NAALADL2: variants seen among roughly 807,000 people sequenced by gnomAD.
NAALADL2 encodes N-acetylated alpha-linked acidic dipeptidase like 2, also known as inactive N-acetylated-alpha-linked acidic dipeptidase-like protein 2.
Under a neutral mutation model 87.2 loss-of-function variants are expected in NAALADL2, and 76 were observed. The observed-to-expected ratio is 0.87, with a 90% CI of 0.72 to 1.05. NAALADL2 has a LOEUF of 1.05. NAALADL2 is among the 50% of genes least tolerant of loss of function. The probability of loss-of-function intolerance (pLI) is 0.00; values close to 1 mark genes in which losing one functional copy is unlikely to be tolerated. For missense variants in NAALADL2, 1,089 were observed against 945.8 expected, an observed-to-expected ratio of 1.15 and a Z score of -1.99; for synonymous variants, 354 against 331.0, an observed-to-expected ratio of 1.07 and a Z score of -0.75.
intron 1 of NAALADL2, among the ~76,000 whole-genome samples, chr3:175,090,221 T>C (rs1036633989): frequency 6.6e-6 from 1 of 152,032 alleles, no homozygotes; most frequent in African/African-American, 2.4e-5. Flanking sequence ...AAGAGTTTTG[T>C]GATATTAGTG....
At chr3:174,604,791 T>C (rs749324543) in intron 2 of NAALADL2, among the ~76,000 whole-genome samples, 33 of 151,350 alleles carry the variant, frequency 2.2e-4, no homozygotes, top group Non-Finnish European at 3.7e-4. Flanking sequence ...TTTTTTGAGA[T>C]GGAATCTCAC....
intron 3 of NAALADL2, among the ~76,000 whole-genome samples, chr3:174,835,346 C>T (rs944957945): frequency 5.3e-5 from 8 of 151,946 alleles, no homozygotes; most frequent in African/African-American, 1.4e-4. Flanking sequence ...CCATATAAAA[C>T]GGTTAACTTG....
intron 3 of NAALADL2, among the ~76,000 whole-genome samples, chr3:174,810,648 C>A (rs28892898): frequency 0.014 from 2,169 of 150,402 alleles, 66 homozygotes; most frequent in African/African-American, 0.051. Context: ...AAAAGGGAAG[C>A]AGAGCATAAA....
At chr3:174,531,853 T>C (rs1721267590) in intron 1 of NAALADL2, among the ~76,000 whole-genome samples, 1 of 152,152 alleles carries the variant, frequency 6.6e-6, no homozygotes, top group African/African-American at 2.4e-5. Context: ...ATACCAGTGG[T>C]TCATAAGACA....
intron 3 of NAALADL2, among the ~76,000 whole-genome samples, chr3:174,742,065 G>A (rs537930962): frequency 1.2e-4 from 18 of 151,408 alleles, no homozygotes; most frequent in African/African-American, 3.6e-4. Flanking sequence ...AATTCAAGGT[G>A]GTACTGATGT....
At chr3:174,875,370 A>G (rs761388191) in intron 1 of NAALADL2, among the ~76,000 whole-genome samples, 27 of 152,138 alleles carry the variant, frequency 1.8e-4, no homozygotes, top group Non-Finnish European at 3.1e-4. Flanking sequence ...TTTACTATGT[A>G]CACACATACA....
At chr3:175,427,670 C>G (rs1423743971) in intron 5 of NAALADL2, among the ~76,000 whole-genome samples, 2 of 152,096 alleles carry the variant, frequency 1.3e-5, no homozygotes, top group African/African-American at 4.8e-5. Context: ...AAATTTCATT[C>G]TCTTAAAAAT....
chr3:174,588,432 C>A (rs2108577985), intron 2 of NAALADL2, among the ~76,000 whole-genome samples: 2 of 152,314 alleles, frequency 1.3e-5, no homozygotes, highest in Middle Eastern at 6.8e-3. Flanking sequence ...AGCTGCGTTC[C>A]TTTGGAGGAG....
intron 13 of NAALADL2, among the ~76,000 whole-genome samples, chr3:175,798,072 G>A (rs558309966): frequency 1.4e-3 from 214 of 152,062 alleles, no homozygotes; most frequent in Non-Finnish European, 2.5e-3. Context: ...ATGTAAGCAG[G>A]AAGCTAAGTG....
At chr3:174,815,390 T>A (rs577574965) in intron 3 of NAALADL2, among the ~76,000 whole-genome samples, 1 of 152,196 alleles carries the variant, frequency 6.6e-6, no homozygotes, top group Admixed American at 6.5e-5. Context: ...CTTCACATCA[T>A]CTTCCTTCTG....
At chr3:174,943,074 A>C (rs191250390) in intron 1 of NAALADL2, among the ~76,000 whole-genome samples, 2 of 152,206 alleles carry the variant, frequency 1.3e-5, no homozygotes, top group East Asian at 1.9e-4. Context: ...CTTGTTGCAA[A>C]ATTGGTGTGG....
rs1226588167 is a variant in NAALADL2 at position 174,907,538 on chromosome 3, G to A, written c.43+48088G>A. Reference sequence around the variant, plus strand: ...TTCTCATGGCTCTGTATACTATAGAGGAATGTTACAAAAAACATTGAGATT... The same window carrying A: ...TTCTCATGGCTCTGTATACTATAGAAGAATGTTACAAAAAACATTGAGATT... On this transcript the variant is annotated intron_variant, in intron 1 of 13. Coordinates refer to ENST00000454872, the MANE Select transcript of NAALADL2 (RefSeq NM_207015.3). 2.0e-5 allele frequency among the ~76,000 whole-genome samples: 3 copies of A among 152,112 alleles called. No individual in the cohort carries two copies. In the East Asian group the frequency reaches 5.8e-4, roughly 29 times the overall value.
At chr3:174,886,101 G>C (rs935344026) in intron 1 of NAALADL2, among the ~76,000 whole-genome samples, 16 of 151,504 alleles carry the variant, frequency 1.1e-4, no homozygotes, top group Non-Finnish European at 1.3e-4. Flanking sequence ...TTTTAGTAGA[G>C]ATGGGGTTTC....
chr3:175,452,978 G>A (rs1057440946), intron 6 of NAALADL2, among the ~76,000 whole-genome samples: 5 of 152,118 alleles, frequency 3.3e-5, no homozygotes, highest in African/African-American at 9.7e-5. Context: ...CCAGGATTCT[G>A]TCTCAACAGT....
At chr3:174,583,868 A>T (rs1716421179) in intron 2 of NAALADL2, among the ~76,000 whole-genome samples, 1 of 152,218 alleles carries the variant, frequency 6.6e-6, no homozygotes, top group African/African-American at 2.4e-5. Context: ...ATCTTTAGAC[A>T]CAAGGGACTC....
At chr3:174,801,026 AG>A (rs1199871287) in intron 3 of NAALADL2, among the ~76,000 whole-genome samples, 1 of 152,188 alleles carries the variant, frequency 6.6e-6, no homozygotes, top group African/African-American at 2.4e-5. Context: ...ACAGAGTCAT[AG>A]GTGGAAAGGA....
intron 9 of NAALADL2, among the ~76,000 whole-genome samples, chr3:175,540,539 AT>A (rs1025575558): frequency 5.3e-5 from 8 of 151,436 alleles, no homozygotes; most frequent in Non-Finnish European, 7.4e-5. Flanking sequence ...GATGTAGTTT[AT>A]TTTTTTTTAA....
intron 2 of NAALADL2, among the ~76,000 whole-genome samples, chr3:174,720,856 C>T (rs771682223): frequency 1.3e-5 from 2 of 152,104 alleles, no homozygotes; most frequent in African/African-American, 2.4e-5. Context: ...ATTCCAGATG[C>T]AAGTTTATTA....
rs182417068 is a variant in NAALADL2 at position 174,667,226 on chromosome 3, C to T, written c.-114-70415C>T. Among the ~76,000 whole-genome samples the T allele has an allele frequency of 2.6e-4, 40 of 152,162 alleles. No homozygotes were observed. The East Asian group carries it at 7.4e-3, about 28-fold the overall frequency. On this transcript the variant is annotated intron_variant, in intron 2 of 3. Transcript: ENST00000434257. ...GTGGATCATTTGGTAATTCTGTAAGCGAAATGCAGGTTTATTTGCTTGCTG... is the reference window on the plus strand; with the variant it reads ...GTGGATCATTTGGTAATTCTGTAAGTGAAATGCAGGTTTATTTGCTTGCTG...
Sources: gnomAD v4.1 joint callset for allele counts (sites outside exome capture counted in the v4.1 genomes callset) on GRCh38, gnomAD v4.1.1 for gene constraint, MANE v1.5 for transcripts, NCBI Gene and HGNC (gene_info 2026-07-23, HGNC 2026-07-21) for gene names.